Variants in GDPD5 observed in about 807,000 individuals in gnomAD.
GDPD5 encodes glycerophosphodiester phosphodiesterase domain containing 5, also known as glycerophosphodiester phosphodiesterase 2.
A neutral mutation model predicts 75.1 loss-of-function variants in GDPD5; 48 were observed. The ratio of observed to expected loss-of-function variants is 0.64; its 90% CI spans 0.51 to 0.81. GDPD5 has a LOEUF of 0.81. Among genes scored for constraint, GDPD5 ranks in the 40% least tolerant of loss-of-function variants. GDPD5 has a pLI of 0.00. For missense variants in GDPD5, 706 were observed against 822.6 expected (o/e 0.86, Z 1.73); for synonymous variants, 336 against 339.0 (o/e 0.99, Z 0.10).
At chr11:75,443,405 C>T (rs1345544907) in intron 10 of GDPD5, 119 bp from the exon 11 acceptor site, 1 of 1,162,052 alleles carries the variant, frequency 8.6e-7, no homozygotes, top group Non-Finnish European at 1.2e-6. Flanking sequence ...GGCTCTGCCC[C>T]TCTCTGGGCC....
chr11:75,439,904 TG>T lies in GDPD5; in HGVS notation c.1530del (p.Ile511SerfsTer25). 6.2e-7 allele frequency: 1 copy of T among 1,613,662 alleles called. No homozygotes were observed. Among genetic ancestry groups the T allele is most frequent in the Non-Finnish European group, 8.5e-7 (1 of 1,179,820 alleles). Reference sequence around the variant, plus strand: ...TTCTGGAGCACGAAGATGCCCACGATGAGGGTGAAGGAGACCAGGTCGGCAG... The same window carrying T: ...TTCTGGAGCACGAAGATGCCCACGATAGGGTGAAGGAGACCAGGTCGGCAG... ...WVTADLVSFT[L>X]IVGIFVLQKW... is the part of the protein sequence containing the mutation. On this transcript the variant is annotated frameshift_variant, in exon 15 of 17. Transcript: ENST00000336898. LOFTEE classifies it high-confidence loss of function.
At chr11:75,493,679 G>GA (rs1312235496) in intron 1 of GDPD5, among the ~76,000 whole-genome samples, 1 of 151,794 alleles carries the variant, frequency 6.6e-6, no homozygotes, top group Admixed American at 6.6e-5. Flanking sequence ...GAGGAGTGCA[G>GA]CAGGGGGGGG....
intron 3 of GDPD5, among the ~76,000 whole-genome samples, chr11:75,474,961 G>C (rs917668421): frequency 6.6e-6 from 1 of 152,194 alleles, no homozygotes; most frequent in African/African-American, 2.4e-5. Context: ...GTCTCCAGCA[G>C]TTTAGGCTGC....
rs1304445960 is a variant in GDPD5, at chr11:75,525,620, G to C, written c.-555C>G. ...GCGGCGTTAGGAGCGTCCCGTCCCG[G>C]CGCAGCGGGTCAGGGCCGGGGCTCC... On this transcript the variant is annotated 5_prime_UTR_variant, in exon 1 of 17. Transcript: ENST00000336898. 2.0e-5 allele frequency: 3 copies of C among 151,974 alleles called. No homozygotes were observed. The highest frequency in any genetic ancestry group is 7.2e-5 in the African/African-American group (3 of 41,524). The allele number at this position is 151,974 out of a possible 1,614,324, so 9.4% of individuals were successfully genotyped here.
chr11:75,503,287 C>A (rs1950330490), intron 1 of GDPD5, among the ~76,000 whole-genome samples: 1 of 152,242 alleles, frequency 6.6e-6, no homozygotes, highest in South Asian at 2.1e-4. Flanking sequence ...TCCCAAAGTG[C>A]TGGGATTACA....
At chr11:75,517,007 T>G (rs891167981) in intron 1 of GDPD5, among the ~76,000 whole-genome samples, 1 of 152,178 alleles carries the variant, frequency 6.6e-6, no homozygotes, top group African/African-American at 2.4e-5. Context: ...AACCCGGAGA[T>G]CCACTCCTTA....
intron 16 of GDPD5, 31 bp downstream of exon 16, chr11:75,436,905 C>T (rs760753595): frequency 4.5e-6 from 7 of 1,554,228 alleles, no homozygotes; most frequent in Non-Finnish European, 5.3e-6. Context: ...GGGCCCAGGG[C>T]CTGCCTCCAC....
At chr11:75,440,012 G>A (rs1948742973) in intron 14 of GDPD5, 51 bp from the exon 15 acceptor site, 1 of 1,436,992 alleles carries the variant, frequency 7.0e-7, no homozygotes, top group East Asian at 2.3e-5. Flanking sequence ...AGTCCAGACT[G>A]AGGCTCCAGA....
intron 2 of GDPD5, among the ~76,000 whole-genome samples, chr11:75,483,447 C>T (rs1002846373): frequency 6.6e-6 from 1 of 152,172 alleles, no homozygotes; most frequent in Non-Finnish European, 1.5e-5. Flanking sequence ...CACTGGCCTG[C>T]TCCCCTACCC....
At position 75,477,799 on chromosome 11, in the gene GDPD5, C is replaced by G. The variant is rs1949812439; in HGVS notation, c.-60-4G>C. 2 of 1,154,314 alleles carry G rather than the reference C, an allele frequency of 1.7e-6. No homozygotes were observed. The highest frequency in any genetic ancestry group is 2.3e-5 in the Admixed American group (1 of 43,014). 71.5% of individuals were successfully genotyped at this position (1,154,314 alleles called of 1,614,324 possible). On this transcript the variant is annotated splice_polypyrimidine_tract_variant and splice_region_variant and intron_variant, in intron 2 of 16. Coordinates refer to ENST00000336898, the MANE Select transcript of GDPD5 (RefSeq NM_030792.8). ...CCATGGAGGCCCCCAGCTTGTCCTG[C>G]AGGAGGAAGCACAGGGCAGTGAGGC...
At chr11:75,442,615 C>T (rs1454864343) in intron 11 of GDPD5, 34 bp from the exon 12 acceptor site, 1 of 1,594,682 alleles carries the variant, frequency 6.3e-7, no homozygotes, top group African/African-American at 1.3e-5. Flanking sequence ...ATGGCTGCAT[C>T]ATCAGCCCTT....
chr11:75,484,959 G>A (rs1324934379), intron 2 of GDPD5, among the ~76,000 whole-genome samples: 2 of 152,110 alleles, frequency 1.3e-5, no homozygotes, highest in African/African-American at 4.8e-5. Context: ...CTGAACGAAT[G>A]GGCAAACCAA....
intron 1 of GDPD5, among the ~76,000 whole-genome samples, chr11:75,513,179 G>A (rs927113580): frequency 6.6e-6 from 1 of 152,166 alleles, no homozygotes; most frequent in Non-Finnish European, 1.5e-5. Flanking sequence ...ATCATTACAT[G>A]ACCTCAGACA....
intron 13 of GDPD5, 99 bp downstream of exon 13, chr11:75,441,543 CGTGT>C (rs34643232): frequency 0.057 from 48,996 of 862,126 alleles, no homozygotes; most frequent in Middle Eastern, 0.073. Flanking sequence ...TCTGCCCGAC[CGTGT>C]GTGTGTGTGT....
intron 4 of GDPD5, among the ~76,000 whole-genome samples, chr11:75,458,079 T>A (rs982977657): frequency 2.0e-5 from 3 of 152,208 alleles, no homozygotes; most frequent in Admixed American, 6.5e-5. Context: ...CCCGCCCCCA[T>A]GCCTATATGT....
At chr11:75,441,569 T>TGTG in intron 13 of GDPD5, 77 bp downstream of exon 13, 9 of 1,189,998 alleles carry the variant, frequency 7.6e-6, no homozygotes, top group East Asian at 2.6e-5. Flanking sequence ...TGTGTGTGTG[T>TGTG]TGGGGGGTGG....
At chr11:75,493,050 T>A (rs1950138136) in intron 1 of GDPD5, among the ~76,000 whole-genome samples, 1 of 152,118 alleles carries the variant, frequency 6.6e-6, no homozygotes, top group African/African-American at 2.4e-5. Flanking sequence ...TTTAAATGAA[T>A]GAACAAATGC....
At chr11:75,488,876 A>G (rs1950060041) in intron 2 of GDPD5, among the ~76,000 whole-genome samples, 1 of 152,150 alleles carries the variant, frequency 6.6e-6, no homozygotes, top group Non-Finnish European at 1.5e-5. Context: ...CCACTTGGCC[A>G]AGCTTTTCTG....
At chr11:75,445,491 G>A (rs1335681523) in intron 9 of GDPD5, among the ~76,000 whole-genome samples, 4 of 152,172 alleles carry the variant, frequency 2.6e-5, no homozygotes, top group Admixed American at 6.5e-5. Flanking sequence ...TGTCATACCC[G>A]TTGCTGCCAC....
Sources: gnomAD v4.1 joint callset for allele counts (sites outside exome capture counted in the v4.1 genomes callset) on GRCh38, gnomAD v4.1.1 for gene constraint, MANE v1.5 for transcripts, NCBI Gene and HGNC (gene_info 2026-07-23, HGNC 2026-07-21) for gene names.